Variants in PRORP observed in about 807,000 individuals in gnomAD.
The protein encoded by PRORP is mitochondrial ribonuclease P catalytic subunit.
PRORP carries 51 observed loss-of-function variants against 59.4 expected under a neutral mutation model. The ratio of observed to expected loss-of-function variants is 0.86; its 90% confidence interval spans 0.69 to 1.08. PRORP has a LOEUF of 1.08. Ranked by LOEUF, PRORP falls within the 50% of genes least tolerant of loss-of-function variation. PRORP has a pLI of 0.00. For synonymous variants in PRORP, 231 were observed against 245.6 expected, an observed-to-expected ratio of 0.94 and a Z score of 0.55; for missense variants, 646 against 690.3, an observed-to-expected ratio of 0.94 and a Z score of 0.72.
chr14:35,138,134 T>C (rs2047412684), intron 4 of PRORP, among the ~76,000 whole-genome samples: 1 of 145,878 alleles, frequency 6.9e-6, no homozygotes, highest in Admixed American at 7.1e-5. Flanking sequence ...TCTTGTGGTA[T>C]CTTCACATGG....
chr14:35,140,093 A>G (rs182824538), intron 4 of PRORP, among the ~76,000 whole-genome samples: 1 of 145,682 alleles, frequency 6.9e-6, no homozygotes, highest in East Asian at 2.3e-4. Context: ...CCCTCTTTCT[A>G]CATTCACATT....
intron 6 of PRORP, among the ~76,000 whole-genome samples, chr14:35,269,673 T>C (rs917746376): frequency 6.6e-6 from 1 of 152,198 alleles, no homozygotes; most frequent in Non-Finnish European, 1.5e-5. Flanking sequence ...AGGCAAATTT[T>C]GTCATTTTAT....
At chr14:35,187,830 T>C (rs932990708) in intron 5 of PRORP, among the ~76,000 whole-genome samples, 1 of 151,850 alleles carries the variant, frequency 6.6e-6, no homozygotes, top group Non-Finnish European at 1.5e-5. Context: ...TGAAGAAATG[T>C]ATATTTATTT....
chr14:35,216,394 C>T (rs1310863111), intron 5 of PRORP, among the ~76,000 whole-genome samples: 2 of 151,600 alleles, frequency 1.3e-5, no homozygotes, highest in African/African-American at 4.8e-5. Context: ...ACTGCATTCT[C>T]AACCTCCTGG....
At chr14:35,202,163 G>A (rs2049172199) in intron 5 of PRORP, among the ~76,000 whole-genome samples, 1 of 151,336 alleles carries the variant, frequency 6.6e-6, no homozygotes, top group Non-Finnish European at 1.5e-5. Flanking sequence ...TAGAGACGGG[G>A]TTTCACCATG....
intron 5 of PRORP, among the ~76,000 whole-genome samples, chr14:35,205,113 A>T (rs2049257105): frequency 6.6e-6 from 1 of 151,996 alleles, no homozygotes; most frequent in Admixed American, 6.6e-5. Flanking sequence ...TGATACTATT[A>T]TTTTCTCTCT....
At chr14:35,190,828 G>A (rs1300286129) in intron 5 of PRORP, among the ~76,000 whole-genome samples, 3 of 152,078 alleles carry the variant, frequency 2.0e-5, no homozygotes, top group Non-Finnish European at 4.4e-5. Context: ...TATTAGTTAT[G>A]GACCCTTACA....
intron 5 of PRORP, chr14:35,235,229 C>T (rs925591969): frequency 2.8e-6 from 2 of 724,780 alleles, no homozygotes; most frequent in Admixed American, 1.8e-5. Context: ...CTTGGTGATG[C>T]GAGCCACAGA....
At chr14:35,259,148 A>G (rs2050833686) in intron 5 of PRORP, among the ~76,000 whole-genome samples, 1 of 152,160 alleles carries the variant, frequency 6.6e-6, no homozygotes, top group Admixed American at 6.5e-5. Flanking sequence ...TTTGGTACAC[A>G]CATTTAAGAT....
At chr14:35,228,136 C>A (rs1324018172) in intron 5 of PRORP, among the ~76,000 whole-genome samples, 2 of 152,150 alleles carry the variant, frequency 1.3e-5, no homozygotes, top group Non-Finnish European at 2.9e-5. Context: ...GAGCAAGACT[C>A]CGTCTCAAAA....
intron 4 of PRORP, among the ~76,000 whole-genome samples, chr14:35,176,307 A>G (rs2048448276): frequency 6.6e-6 from 1 of 152,148 alleles, no homozygotes; most frequent in Non-Finnish European, 1.5e-5. Flanking sequence ...TGGGGATGGC[A>G]TTGAATCTAT....
At chr14:35,266,346 G>T (rs28522717) in intron 5 of PRORP, among the ~76,000 whole-genome samples, 16,011 of 151,260 alleles carry the variant, frequency 0.11, 903 homozygotes, top group Middle Eastern at 0.17. Flanking sequence ...TTAGCCAGAC[G>T]TGGTGCACGT....
intron 5 of PRORP, chr14:35,235,655 G>A: frequency 2.4e-6 from 1 of 421,120 alleles, no homozygotes; most frequent in South Asian, 2.2e-5. Flanking sequence ...CTTCTCTTGG[G>A]AAGCTAATAT....
chr14:35,181,499 G>A lies in PRORP; in HGVS notation c.1275+722G>A, dbSNP rs539691461. 1.1e-4 allele frequency among the ~76,000 whole-genome samples: 17 copies of A among 152,090 alleles called. No individual in the cohort carries two copies. The South Asian group carries it at 2.5e-3, about 22-fold the overall frequency. On this transcript the variant is annotated intron_variant, in intron 5 of 7. Coordinates refer to ENST00000534898, the MANE Select transcript of PRORP (RefSeq NM_014672.4). ...AAACTATTTCTTAAAAATTGCTGCC[G>A]CTGGCTGGGCACAGTGGCTCATGCC...
intron 4 of PRORP, among the ~76,000 whole-genome samples, chr14:35,161,566 C>T (rs1310083252): frequency 6.6e-6 from 1 of 152,056 alleles, no homozygotes; most frequent in Non-Finnish European, 1.5e-5. Flanking sequence ...AGGACTCAGG[C>T]TGTGTTACTG....
intron 4 of PRORP, among the ~76,000 whole-genome samples, chr14:35,142,169 G>A (rs1225923759): frequency 2.8e-5 from 4 of 142,504 alleles, no homozygotes; most frequent in Admixed American, 1.5e-4. Flanking sequence ...GTGAGCCACC[G>A]CGCCCAGCCT....
At chr14:35,157,281 G>T (rs72664854) in intron 4 of PRORP, among the ~76,000 whole-genome samples, 16,380 of 151,860 alleles carry the variant, frequency 0.11, 941 homozygotes, top group Middle Eastern at 0.16. Context: ...ATATACTTAG[G>T]AGCCTATCCT....
chr14:35,129,909 CCTTTA>C (rs1163588776), intron 4 of PRORP, among the ~76,000 whole-genome samples: 1 of 152,172 alleles, frequency 6.6e-6, no homozygotes, highest in East Asian at 1.9e-4. Flanking sequence ...AAACTCTACA[CCTTTA>C]CTTTGTCTCC....
intron 5 of PRORP, among the ~76,000 whole-genome samples, chr14:35,197,042 C>T (rs925089347): frequency 2.0e-5 from 3 of 152,120 alleles, no homozygotes; most frequent in African/African-American, 7.2e-5. Context: ...CAAGATTTCC[C>T]CAATTGTTGT....
Sources: gnomAD v4.1 joint callset for allele counts (sites outside exome capture counted in the v4.1 genomes callset) on GRCh38, gnomAD v4.1.1 for gene constraint, MANE v1.5 for transcripts, NCBI Gene and HGNC (gene_info 2026-07-23, HGNC 2026-07-21) for gene names.